The following CACHD1 variants were observed in gnomAD, a reference collection of about 807,000 sequenced individuals.
CACHD1 encodes cache domain containing 1.
Under a neutral mutation model 138.7 loss-of-function variants are expected in CACHD1, and 71 were observed. The observed-to-expected ratio is 0.51, with a 90% CI of 0.42 to 0.62. CACHD1 has a LOEUF of 0.62. Among genes scored for constraint, CACHD1 ranks in the 20% least tolerant of loss-of-function variants. CACHD1 has a pLI of 0.00. For missense variants in CACHD1, 1,389 were observed against 1,625.3 expected, an observed-to-expected ratio of 0.85 and a Z score of 2.50; for synonymous variants, 578 against 591.5, an observed-to-expected ratio of 0.98 and a Z score of 0.33.
chr1:64,588,490 C>G (rs1335233026), intron 3 of CACHD1, among the ~76,000 whole-genome samples: 1 of 151,248 alleles, frequency 6.6e-6, no homozygotes, highest in Non-Finnish European at 1.5e-5. Flanking sequence ...GGCACGATCT[C>G]ATGCCTCAGC....
intron 2 of CACHD1, among the ~76,000 whole-genome samples, chr1:64,579,201 A>G (rs1646992410): frequency 6.6e-6 from 1 of 152,238 alleles, no homozygotes; most frequent in African/African-American, 2.4e-5. Context: ...GTAACTACTA[A>G]ATATTAAAAA....
chr1:64,590,167 A>G (rs1570396148), intron 3 of CACHD1, among the ~76,000 whole-genome samples: 1 of 151,988 alleles, frequency 6.6e-6, no homozygotes, highest in Non-Finnish European at 1.5e-5. Context: ...ACAAACAAAC[A>G]AAAAATTAGC....
chr1:64,576,190 T>C (rs1207107980), intron 2 of CACHD1, among the ~76,000 whole-genome samples: 1 of 152,214 alleles, frequency 6.6e-6, no homozygotes, highest in African/African-American at 2.4e-5. Context: ...GGATAAAAGA[T>C]GAAAGCTGAG....
At chr1:64,561,424 A>G (rs1436750351) in intron 2 of CACHD1, among the ~76,000 whole-genome samples, 2 of 152,194 alleles carry the variant, frequency 1.3e-5, no homozygotes, top group African/African-American at 4.8e-5. Context: ...TCACATAATT[A>G]CTATATTTCT....
intron 1 of CACHD1, among the ~76,000 whole-genome samples, chr1:64,478,431 C>T (rs1246932636): frequency 6.6e-6 from 1 of 152,122 alleles, no homozygotes; most frequent in Non-Finnish European, 1.5e-5. Flanking sequence ...CCAGAAGAGA[C>T]AAGAGTCAGA....
At chr1:64,618,576 G>T (rs1647796486) in intron 4 of CACHD1, among the ~76,000 whole-genome samples, 1 of 152,158 alleles carries the variant, frequency 6.6e-6, no homozygotes, top group Admixed American at 6.5e-5. Context: ...AGTGATCCCT[G>T]AAATATATGG....
At chr1:64,638,422 T>A (rs75790485) in intron 7 of CACHD1, among the ~76,000 whole-genome samples, 1 of 152,360 alleles carries the variant, frequency 6.6e-6, no homozygotes, top group African/African-American at 2.4e-5. Flanking sequence ...CATAAATCAT[T>A]GTTGGTTGAC....
chr1:64,606,799 C>G (rs1359848551), intron 4 of CACHD1, among the ~76,000 whole-genome samples: 1 of 152,116 alleles, frequency 6.6e-6, no homozygotes, highest in African/African-American at 2.4e-5. Context: ...GTAGGATTTG[C>G]TGGTCCATTG....
At chr1:64,594,449 T>C (rs994934690) in intron 3 of CACHD1, among the ~76,000 whole-genome samples, 2 of 152,190 alleles carry the variant, frequency 1.3e-5, no homozygotes, top group Non-Finnish European at 2.9e-5. Context: ...GGTAACTAGA[T>C]GACCCTCCAA....
intron 1 of CACHD1, among the ~76,000 whole-genome samples, chr1:64,509,109 T>C (rs1321135997): frequency 6.6e-6 from 1 of 152,186 alleles, no homozygotes; most frequent in African/African-American, 2.4e-5. Flanking sequence ...ATACTCTCTT[T>C]TTTTCTCTGT....
intron 2 of CACHD1, among the ~76,000 whole-genome samples, chr1:64,572,790 TTCTGGTCCACCTGCAGATCG>T (rs1179125732): frequency 6.6e-6 from 1 of 152,118 alleles, no homozygotes; most frequent in Non-Finnish European, 1.5e-5. Context: ...ACATAAATCT[TTCTGGTCCACCTGCAGATCG>T]TCTGTCAGCA....
At chr1:64,679,838 T>A in intron 24 of CACHD1, 82 bp downstream of exon 24, 2 of 1,479,540 alleles carry the variant, frequency 1.4e-6, no homozygotes, top group Middle Eastern at 2.5e-4. Flanking sequence ...TCTAAGGAAC[T>A]GTCAGAACAG....
chr1:64,630,873 T>C (rs982429458), intron 5 of CACHD1, among the ~76,000 whole-genome samples: 3 of 152,226 alleles, frequency 2.0e-5, no homozygotes, highest in African/African-American at 7.2e-5. Context: ...TTCATGTATC[T>C]CCACCCTAAA....
intron 2 of CACHD1, 97 bp downstream of exon 2, chr1:64,550,753 GTTCT>G (rs1646752901): frequency 1.3e-6 from 1 of 769,458 alleles, no homozygotes; most frequent in African/African-American, 1.7e-5. Context: ...GAGGTTTCCT[GTTCT>G]TTCTCTCTGT....
Position 64,500,733 on chromosome 1 carries a change from AAAGAGAGAGAGAG to A in CACHD1, c.198+29793_198+29805del, listed in dbSNP as rs1290782953. Among the ~76,000 whole-genome samples the A allele has an allele frequency of 2.8e-4, 34 of 122,070 alleles. 1 individual carries two copies. In the South Asian group the frequency reaches 6.0e-3, roughly 21 times the overall value. The allele number at this position is 122,070 out of a possible 152,430, so 80.1% of individuals were successfully genotyped here. A position where few individuals can be genotyped will look rare whatever the true frequency, so the allele number is the denominator to read the frequency against. On this transcript the variant is annotated intron_variant, in intron 1 of 26. Coordinates refer to ENST00000651257, the MANE Select transcript of CACHD1 (RefSeq NM_020925.4). ...CTTGTCTCTTAAAAAAAAAAAAAAAAAAGAGAGAGAGAGAGAGAGAGAGAGAGAGAGAGTCCGG... is the reference window on the plus strand; with the variant it reads ...CTTGTCTCTTAAAAAAAAAAAAAAAAAGAGAGAGAGAGAGAGAGAGTCCGG...
rs1382023391 is a variant in CACHD1 at position 64,527,513 on chromosome 1, G to A, written c.199-23081G>A. Among the ~76,000 whole-genome samples, 6 of 152,182 alleles carry A rather than the reference G, an allele frequency of 3.9e-5. No homozygotes were observed. The East Asian group carries it at 1.2e-3, about 29-fold the overall frequency. On this transcript the variant is annotated intron_variant, in intron 1 of 26. Coordinates refer to ENST00000651257, the MANE Select transcript of CACHD1 (RefSeq NM_020925.4). ...GTCCTGTTGTGAAATCATTTTGTGT[G>A]ATGGCATTTGCTGCGTTTTTAGGGT...
intron 8 of CACHD1, among the ~76,000 whole-genome samples, chr1:64,643,753 G>C (rs538555289): frequency 2.1e-3 from 315 of 152,304 alleles, no homozygotes; most frequent in African/African-American, 7.3e-3. Context: ...CAGGAGAAAG[G>C]CTAGAACCCG....
At chr1:64,499,913 A>G (rs1454739277) in intron 1 of CACHD1, among the ~76,000 whole-genome samples, 1 of 152,162 alleles carries the variant, frequency 6.6e-6, no homozygotes, top group Non-Finnish European at 1.5e-5. Flanking sequence ...CTCATACTTC[A>G]CTGCCCTGTC....
intron 2 of CACHD1, among the ~76,000 whole-genome samples, chr1:64,559,675 CA>C (rs1022477874): frequency 6.6e-6 from 1 of 151,480 alleles, no homozygotes; most frequent in Non-Finnish European, 1.5e-5. Context: ...ACAAACAAAC[CA>C]AAAAAACAAG....
Sources: allele counts gnomAD v4.1 joint callset (sites outside exome capture counted in the v4.1 genomes callset), GRCh38; gene constraint gnomAD v4.1.1; transcripts MANE v1.5; gene names NCBI Gene and HGNC (gene_info 2026-07-23, HGNC 2026-07-21).